Variants in LUZP2 observed in about 807,000 individuals in gnomAD.
LUZP2 encodes the protein leucine zipper protein 2.
A neutral mutation model predicts 51.6 loss-of-function variants in LUZP2; 52 were observed. The observed-to-expected ratio is 1.01, with a 90% CI of 0.81 to 1.27. The LOEUF (loss-of-function observed/expected upper bound fraction) is 1.27, where lower values mean the gene tolerates loss of function less well. Ranked by LOEUF, LUZP2 falls within the 50% of genes most tolerant of loss-of-function variation. The pLI is 0.00. For synonymous variants in LUZP2, 154 were observed against 137.3 expected (o/e 1.12, Z -0.85); for missense variants, 436 against 395.4 (o/e 1.10, Z -0.87).
chr11:24,666,605 C>G (rs1398616855), intron 1 of LUZP2, among the ~76,000 whole-genome samples: 1 of 152,078 alleles, frequency 6.6e-6, no homozygotes, highest in Admixed American at 6.5e-5. Context: ...CTAGCATTAT[C>G]TATAAAAGCT....
intron 1 of LUZP2, among the ~76,000 whole-genome samples, chr11:24,519,923 C>G (rs763690380): frequency 5.9e-5 from 9 of 152,204 alleles, no homozygotes; most frequent in Non-Finnish European, 1.2e-4. Flanking sequence ...TTGTTCCTCT[C>G]TAGTAACTCA....
At chr11:24,675,719 G>C (rs1856520331) in intron 1 of LUZP2, among the ~76,000 whole-genome samples, 1 of 151,458 alleles carries the variant, frequency 6.6e-6, no homozygotes, top group African/African-American at 2.4e-5. Flanking sequence ...AAACCTGATT[G>C]GTCCTTATTA....
intron 10 of LUZP2, among the ~76,000 whole-genome samples, chr11:25,062,500 G>A (rs1244608479): frequency 7.0e-6 from 1 of 143,742 alleles, no homozygotes; most frequent in Non-Finnish European, 1.5e-5. Flanking sequence ...TGAGGTGGGA[G>A]GATCACTGGA....
intron 5 of LUZP2, chr11:24,891,386 A>T: frequency 1.0e-6 from 1 of 954,374 alleles, no homozygotes; most frequent in Non-Finnish European, 1.2e-6. Context: ...ACACTATGTT[A>T]CATACACCCA....
At chr11:24,826,309 T>A (rs1383774059) in intron 5 of LUZP2, among the ~76,000 whole-genome samples, 3 of 150,796 alleles carry the variant, frequency 2.0e-5, no homozygotes, top group Non-Finnish European at 3.0e-5. Context: ...GTCTTATAGA[T>A]CTTGACTATG....
intron 5 of LUZP2, among the ~76,000 whole-genome samples, chr11:24,864,462 G>A (rs1001578162): frequency 6.6e-6 from 1 of 152,152 alleles, no homozygotes. Flanking sequence ...ATCAACTTCA[G>A]GCAATAGATT....
chr11:24,721,626 A>G (rs1858273803), intron 1 of LUZP2, among the ~76,000 whole-genome samples: 1 of 152,190 alleles, frequency 6.6e-6, no homozygotes, highest in Admixed American at 6.5e-5. Context: ...AGGATTGTGC[A>G]CTGAAAACTA....
At chr11:24,602,044 ATATATGTG>A (rs1565020133) in intron 1 of LUZP2, among the ~76,000 whole-genome samples, 12 of 142,582 alleles carry the variant, frequency 8.4e-5, no homozygotes, top group Admixed American at 2.2e-4. Context: ...GTATATCTGT[ATATATGTG>A]TATATATGTG....
intron 5 of LUZP2, among the ~76,000 whole-genome samples, chr11:24,894,316 A>T (rs1852961851): frequency 6.6e-6 from 1 of 151,888 alleles, no homozygotes; most frequent in African/African-American, 2.4e-5. Context: ...CTGGGCTTAC[A>T]GGTGCCTGCC....
At chr11:24,737,234 A>G (rs1022430841) in intron 3 of LUZP2, among the ~76,000 whole-genome samples, 2 of 152,104 alleles carry the variant, frequency 1.3e-5, no homozygotes, top group African/African-American at 4.8e-5. Flanking sequence ...CCTATAAGTT[A>G]GTTCTACCAT....
intron 4 of LUZP2, among the ~76,000 whole-genome samples, chr11:24,747,292 C>G (rs573105853): frequency 7.9e-5 from 12 of 152,244 alleles, no homozygotes; most frequent in African/African-American, 2.9e-4. Flanking sequence ...TCCTGTGAGC[C>G]TAGCTGCAGT....
Position 24,871,816 on chromosome 11 carries a change from G to A in LUZP2, c.397-34175G>A, listed in dbSNP as rs1404048284. Among the ~76,000 whole-genome samples, 2 of 152,036 alleles carry A rather than the reference G, an allele frequency of 1.3e-5. 1 individual carries two copies. Among genetic ancestry groups the A allele is most frequent in the African/African-American group, 4.8e-5 (2 of 41,408 alleles). ...AAGGTAAAAACATTTCTCTAAGAAT[G>A]ACTGACCCACATTTGGAATGAGCTA... On this transcript the variant is annotated intron_variant, in intron 5 of 11. Transcript: ENST00000336930.
At chr11:24,812,665 C>T (rs947874494) in intron 5 of LUZP2, among the ~76,000 whole-genome samples, 1 of 152,134 alleles carries the variant, frequency 6.6e-6, no homozygotes, top group African/African-American at 2.4e-5. Context: ...CTGTGAGTTT[C>T]CAAGGATTAG....
At chr11:24,775,472 T>C (rs949936394) in intron 5 of LUZP2, among the ~76,000 whole-genome samples, 5 of 152,164 alleles carry the variant, frequency 3.3e-5, no homozygotes, top group Admixed American at 1.3e-4. Context: ...GAAACATAAA[T>C]CTGAAAAGTT....
At chr11:24,527,989 A>G (rs1255224643) in intron 1 of LUZP2, among the ~76,000 whole-genome samples, 2 of 151,280 alleles carry the variant, frequency 1.3e-5, no homozygotes, top group African/African-American at 4.8e-5. Flanking sequence ...ACAGGGCTGG[A>G]CATCCATTCC....
At chr11:24,673,341 T>A (rs144401573) in intron 1 of LUZP2, among the ~76,000 whole-genome samples, 10 of 152,290 alleles carry the variant, frequency 6.6e-5, no homozygotes, top group Admixed American at 2.0e-4. Context: ...ATCCTATATA[T>A]CCTATTTTTG....
chr11:24,865,311 T>A lies in LUZP2; in HGVS notation c.397-40680T>A, dbSNP rs188830757. ...TGTTAACCACTATTTTTGTTTTTGT[T>A]AATACTATTGCCTCAGTTTTCTTAT... On this transcript the variant is annotated intron_variant, in intron 5 of 11. Transcript: ENST00000336930. Among the ~76,000 whole-genome samples, 91 of 152,354 alleles carry A rather than the reference T, an allele frequency of 6.0e-4. 2 individuals carry two copies. In the East Asian group the frequency reaches 0.017, roughly 28 times the overall value.
chr11:24,937,205 T>C (rs1854609879), intron 7 of LUZP2, among the ~76,000 whole-genome samples: 1 of 152,230 alleles, frequency 6.6e-6, no homozygotes, highest in African/African-American at 2.4e-5. Flanking sequence ...ATTATTTATA[T>C]TAAATAGAAG....
chr11:24,905,396 T>C (rs1355178018), intron 5 of LUZP2, among the ~76,000 whole-genome samples: 2 of 151,948 alleles, frequency 1.3e-5, no homozygotes, highest in African/African-American at 4.8e-5. Flanking sequence ...GGCATGGTGG[T>C]GCACATCTGT....
Sources: gnomAD v4.1 joint callset for allele counts (sites outside exome capture counted in the v4.1 genomes callset) on GRCh38, gnomAD v4.1.1 for gene constraint, MANE v1.5 for transcripts, NCBI Gene and HGNC (gene_info 2026-07-23, HGNC 2026-07-21) for gene names.